The following CARF variants were observed in gnomAD, a reference collection of about 807,000 sequenced individuals.
CARF encodes the protein calcium-responsive transcription factor.
CARF carries 57 observed loss-of-function variants against 82.0 expected under a neutral mutation model. That is an observed-to-expected ratio of 0.70 (90% CI 0.56 to 0.87). The LOEUF is 0.87. Among genes scored for constraint, CARF ranks in the 40% least tolerant of loss-of-function variants. The pLI, the probability that CARF is intolerant of heterozygous loss-of-function variation, is 0.00. For missense variants in CARF, 771 were observed against 855.8 expected, an observed-to-expected ratio of 0.90 and a Z score of 1.24; for synonymous variants, 268 against 290.1, an observed-to-expected ratio of 0.92 and a Z score of 0.77.
At chr2:202,928,109 C>T (rs1477152415) in intron 3 of CARF, among the ~76,000 whole-genome samples, 2 of 152,136 alleles carry the variant, frequency 1.3e-5, no homozygotes, top group Admixed American at 6.5e-5. Flanking sequence ...AACCATCAAC[C>T]ATTTGGCTGT....
chr2:202,946,672 G>T (rs1484306335), intron 5 of CARF, among the ~76,000 whole-genome samples: 2 of 152,098 alleles, frequency 1.3e-5, no homozygotes, highest in South Asian at 2.1e-4. Context: ...AAGAGCTTCT[G>T]CTCAGCAAAA....
At chr2:202,916,655 A>G (rs2105933622) in intron 1 of CARF, among the ~76,000 whole-genome samples, 1 of 152,302 alleles carries the variant, frequency 6.6e-6, no homozygotes, top group East Asian at 1.9e-4. Flanking sequence ...ATTGGTTGTA[A>G]CAATAATATT....
chr2:202,970,650 T>C (rs1417135402), intron 11 of CARF, among the ~76,000 whole-genome samples: 2 of 152,154 alleles, frequency 1.3e-5, no homozygotes, highest in Non-Finnish European at 2.9e-5. Context: ...TAAAAAAAAC[T>C]TTTAGGTATG....
chr2:202,948,436 C>T (rs1472208565), intron 5 of CARF, among the ~76,000 whole-genome samples: 1 of 152,142 alleles, frequency 6.6e-6, no homozygotes, highest in Non-Finnish European at 1.5e-5. Flanking sequence ...CTGTGAATTG[C>T]TTTGCGCAGT....
intron 3 of CARF, among the ~76,000 whole-genome samples, chr2:202,931,243 A>G (rs1425829833): frequency 6.6e-6 from 1 of 152,110 alleles, no homozygotes; most frequent in Non-Finnish European, 1.5e-5. Context: ...AAGTGCTGGG[A>G]TTACAGGTGT....
At chr2:202,970,723 A>G (rs538790603) in intron 11 of CARF, among the ~76,000 whole-genome samples, 150 of 152,356 alleles carry the variant, frequency 9.8e-4, no homozygotes, top group South Asian at 6.6e-3. Context: ...CACTAAAAAA[A>G]TTAGATCCTG....
chr2:202,932,074 C>T (rs1693041780), intron 3 of CARF, among the ~76,000 whole-genome samples: 1 of 152,124 alleles, frequency 6.6e-6, no homozygotes, highest in Non-Finnish European at 1.5e-5. Flanking sequence ...TTTCACATGG[C>T]AGGAGCAGGA....
intron 2 of CARF, among the ~76,000 whole-genome samples, chr2:202,923,693 C>G (rs1425436675): frequency 1.3e-5 from 2 of 152,158 alleles, no homozygotes; most frequent in Non-Finnish European, 1.5e-5. Context: ...AAGAACAAAT[C>G]CGGAGGCATT....
At chr2:202,964,692 T>C (rs549666541) in intron 9 of CARF, among the ~76,000 whole-genome samples, 1 of 152,108 alleles carries the variant, frequency 6.6e-6, no homozygotes, top group Non-Finnish European at 1.5e-5. Flanking sequence ...GGTATCTATC[T>C]TCCAGCTTCA....
At chr2:202,914,075 G>A (rs1689147915) in intron 1 of CARF, among the ~76,000 whole-genome samples, 1 of 152,168 alleles carries the variant, frequency 6.6e-6, no homozygotes, top group South Asian at 2.1e-4. Context: ...GTCGTGTTTG[G>A]TGTTGCCTCC....
At chr2:202,918,795 A>G (rs1225065661) in intron 2 of CARF, among the ~76,000 whole-genome samples, 5 of 152,184 alleles carry the variant, frequency 3.3e-5, no homozygotes, top group Non-Finnish European at 5.9e-5. Flanking sequence ...TTTAATCTTC[A>G]TTTCAACAAT....
At chr2:202,926,882 G>T (rs1253489732) in intron 3 of CARF, among the ~76,000 whole-genome samples, 1 of 152,090 alleles carries the variant, frequency 6.6e-6, no homozygotes, top group East Asian at 1.9e-4. Context: ...GAGGGCAGTG[G>T]TGCAATCATA....
intron 8 of CARF, among the ~76,000 whole-genome samples, chr2:202,960,434 C>G (rs538044792): frequency 2.0e-4 from 31 of 152,082 alleles, no homozygotes; most frequent in African/African-American, 6.7e-4. Context: ...ATTTTTCGTA[C>G]TGATGGGGTT....
chr2:202,936,436 T>G (rs1446067009), intron 3 of CARF, among the ~76,000 whole-genome samples: 1 of 152,214 alleles, frequency 6.6e-6, no homozygotes, highest in Non-Finnish European at 1.5e-5. Context: ...CCATTATACC[T>G]TCCCTCAAGC....
rs1423254110 is a variant in CARF at position 202,985,756 on chromosome 2, G to T, written c.*2132G>T. On this transcript the variant is annotated 3_prime_UTR_variant, in exon 17 of 17. Transcript: ENST00000438828. ...AATAAATCGTTACGTCTCAATAGTGGTAATAGTGGTAATGGTTTATTATTA... is the reference window on the plus strand; with the variant it reads ...AATAAATCGTTACGTCTCAATAGTGTTAATAGTGGTAATGGTTTATTATTA... The T allele has an allele frequency of 6.6e-6, 1 of 152,054 alleles. No homozygotes were observed. Among genetic ancestry groups the T allele is most frequent in the East Asian group, 1.9e-4 (1 of 5,200 alleles). The allele number at this position is 152,054 out of a possible 1,614,324, so 9.4% of individuals were successfully genotyped here. A position where few individuals can be genotyped will look rare whatever the true frequency, so the allele number is the denominator to read the frequency against.
At position 202,982,471 on chromosome 2, in the gene CARF, G is replaced by A. The variant is rs200401713; in HGVS notation, c.2059+30G>A. 4.2e-5 allele frequency: 67 copies of A among 1,609,340 alleles called. No individual in the cohort carries two copies. The Admixed American group carries it at 1.1e-3, about 26-fold the overall frequency. ...GTTGAAATCAATTTATGATGTTATT[G>A]TTGTAACCTTTGTGGATTATCATCA... On this transcript the variant is annotated intron_variant, in intron 16 of 16. Coordinates refer to ENST00000438828, the MANE Select transcript of CARF (RefSeq NM_024744.17).
At chr2:202,938,622 G>GA (rs1177351097) in intron 3 of CARF, among the ~76,000 whole-genome samples, 5 of 117,848 alleles carry the variant, frequency 4.2e-5, no homozygotes, top group African/African-American at 6.3e-5. Flanking sequence ...TCTCTTTTCT[G>GA]AAAAAAAATG....
rs2058117929 is a variant in CARF at position 202,939,598 on chromosome 2, C to G, written c.-43-2262C>G. Among the ~76,000 whole-genome samples the G allele has an allele frequency of 7.3e-5, 11 of 150,896 alleles. No individual in the cohort carries two copies. In the South Asian group the frequency reaches 2.3e-3, roughly 31 times the overall value. On this transcript the variant is annotated intron_variant, in intron 3 of 16. Coordinates refer to ENST00000438828, the MANE Select transcript of CARF (RefSeq NM_024744.17). ...TGTTCTGTTTTTGCTGTGATACAGT[C>G]TAGATAATTTAAAAATCTATCTTCC...
chr2:202,927,060 C>G (rs1028786148), intron 3 of CARF, among the ~76,000 whole-genome samples: 6 of 152,144 alleles, frequency 3.9e-5, no homozygotes, highest in Admixed American at 1.3e-4. Flanking sequence ...AAGCAGTGTG[C>G]CCATCTCGGC....
Sources: gnomAD v4.1 joint callset for allele counts (sites outside exome capture counted in the v4.1 genomes callset) on GRCh38, gnomAD v4.1.1 for gene constraint, MANE v1.5 for transcripts, NCBI Gene and HGNC (gene_info 2026-07-23, HGNC 2026-07-21) for gene names.